The following CDC42BPA variants were observed in gnomAD, a reference collection of about 807,000 sequenced individuals.
The protein encoded by CDC42BPA is CDC42 binding protein kinase alpha.
A neutral mutation model predicts 223.5 loss-of-function variants in CDC42BPA; 80 were observed. The ratio of observed to expected loss-of-function variants is 0.36; its 90% CI spans 0.30 to 0.43. The LOEUF is 0.43. Ranked by LOEUF, CDC42BPA falls within the 20% of genes least tolerant of loss-of-function variation. The probability of loss-of-function intolerance (pLI) is 1.00; values close to 1 mark genes in which losing one functional copy is unlikely to be tolerated. For missense variants in CDC42BPA, 1,743 were observed against 2,099.9 expected (o/e 0.83, Z 3.32); for synonymous variants, 694 against 718.6 (o/e 0.97, Z 0.55).
intron 1 of CDC42BPA, among the ~76,000 whole-genome samples, chr1:227,310,881 C>T (rs139109933): frequency 0.15 from 22,628 of 151,004 alleles, 2,053 homozygotes; most frequent in African/African-American, 0.24. Context: ...TTAGTAGAGA[C>T]GCGGTTTCAC....
intron 21 of CDC42BPA, chr1:227,068,776 C>G: frequency 2.2e-6 from 1 of 449,218 alleles, no homozygotes; most frequent in Non-Finnish European, 3.4e-6. Flanking sequence ...AAATCAAAAA[C>G]TTTGTAAAAC....
intron 1 of CDC42BPA, among the ~76,000 whole-genome samples, chr1:227,302,689 G>A (rs1329149450): frequency 1.3e-5 from 2 of 152,020 alleles, no homozygotes; most frequent in African/African-American, 2.4e-5. Context: ...TTCTTGTATT[G>A]ATGATTTTTT....
At position 227,047,949 on chromosome 1, in the gene CDC42BPA, C is replaced by G. The variant is rs199543596; in HGVS notation, c.3071G>C (p.Gly1024Ala). The change falls in exon 23 of 37, where the codon GGT becomes GCT. Residue 1024 changes from glycine (G) to alanine (A), a missense_variant. Gly to Ala is a moderately conservative substitution (Grantham distance 60, BLOSUM62 0). This residue lies in a region of CDC42BPA where 678 missense variants were observed against 777.5 expected (regional missense o/e 0.87). Coordinates refer to ENST00000366766, the MANE Select transcript of CDC42BPA (RefSeq NM_001394014.1). ...TPTLRKKGCPGSTGFPPKRKT... is the reference protein window; with the variant it reads ...TPTLRKKGCPASTGFPPKRKT... ...TACCTTAGGTGGAAAGCCAGTTGAACCAGGACATCCTTTTTTCCTTAAGGT... is the reference window on the plus strand; with the variant it reads ...TACCTTAGGTGGAAAGCCAGTTGAAGCAGGACATCCTTTTTTCCTTAAGGT... 6.2e-7 allele frequency: 1 copy of G among 1,610,280 alleles called. No individual in the cohort carries two copies. Among genetic ancestry groups the G allele is most frequent in the East Asian group, 2.2e-5 (1 of 44,752 alleles).
intron 2 of CDC42BPA, among the ~76,000 whole-genome samples, chr1:227,214,212 CAAA>C (rs34522031): frequency 2.2e-4 from 27 of 122,318 alleles, no homozygotes; most frequent in Non-Finnish European, 4.1e-4. Context: ...AATTCAAGTG[CAAA>C]AAAAAAAAAA....
chr1:227,212,556 T>A (rs1255011181), intron 3 of CDC42BPA, among the ~76,000 whole-genome samples: 1 of 152,084 alleles, frequency 6.6e-6, no homozygotes, highest in Non-Finnish European at 1.5e-5. Context: ...CAAATCTATG[T>A]GTGACAGCAG....
chr1:227,142,096 C>G (rs1331426462), intron 9 of CDC42BPA, among the ~76,000 whole-genome samples: 1 of 152,100 alleles, frequency 6.6e-6, no homozygotes, highest in African/African-American at 2.4e-5. Context: ...TAAAGTAGAC[C>G]AGTAAGAATA....
intron 21 of CDC42BPA, among the ~76,000 whole-genome samples, chr1:227,061,339 C>T (rs1675892672): frequency 6.6e-6 from 1 of 152,104 alleles, no homozygotes; most frequent in Admixed American, 6.5e-5. Flanking sequence ...AGAGTATATG[C>T]AGATCGTTTT....
chr1:227,056,538 C>T (rs1674595964), intron 21 of CDC42BPA, among the ~76,000 whole-genome samples: 1 of 152,116 alleles, frequency 6.6e-6, no homozygotes, highest in Non-Finnish European at 1.5e-5. Context: ...CAGGCATGTG[C>T]CACTATGCCT....
At chr1:227,107,211 T>A (rs1686087168) in intron 14 of CDC42BPA, among the ~76,000 whole-genome samples, 1 of 152,202 alleles carries the variant, frequency 6.6e-6, no homozygotes, top group African/African-American at 2.4e-5. Flanking sequence ...TTATTTAGAT[T>A]TTCTTTAATT....
At chr1:227,271,210 G>A (rs1685904250) in intron 1 of CDC42BPA, among the ~76,000 whole-genome samples, 1 of 152,046 alleles carries the variant, frequency 6.6e-6, no homozygotes, top group Non-Finnish European at 1.5e-5. Flanking sequence ...TACAACTTGT[G>A]TATTTTCTTT....
chr1:227,283,198 G>A (rs1340907661), intron 1 of CDC42BPA, among the ~76,000 whole-genome samples: 2 of 152,016 alleles, frequency 1.3e-5, no homozygotes, highest in African/African-American at 4.8e-5. Flanking sequence ...TATGTTCCTG[G>A]AAAAGTACAT....
At position 227,263,158 on chromosome 1, in the gene CDC42BPA, G is replaced by A. The variant is rs184896773; in HGVS notation, c.179-9003C>T. Among the ~76,000 whole-genome samples, 693 of 152,314 alleles carry A rather than the reference G, an allele frequency of 4.5e-3. 4 individuals carry two copies. Among genetic ancestry groups the A allele is most frequent in the African/African-American group, 0.016 (664 of 41,564 alleles). On this transcript the variant is annotated intron_variant, in intron 1 of 36. Coordinates refer to ENST00000366766, the MANE Select transcript of CDC42BPA (RefSeq NM_001394014.1). ...TGAGGCAAGAGAATCACTGGAACCC[G>A]GGAGCTGAGGCTGCAGAAAGCCAAG...
chr1:227,182,655 T>C (rs1572190615), intron 5 of CDC42BPA, among the ~76,000 whole-genome samples: 1 of 152,142 alleles, frequency 6.6e-6, no homozygotes, highest in Non-Finnish European at 1.5e-5. Context: ...CCTCTGATAA[T>C]TAATATTAGG....
At position 227,142,929 on chromosome 1, in the gene CDC42BPA, A is replaced by G; in HGVS notation, c.1223+16T>C. On this transcript the variant is annotated intron_variant, in intron 9 of 36. Coordinates refer to ENST00000366766, the MANE Select transcript of CDC42BPA (RefSeq NM_001394014.1). Reference sequence around the variant, plus strand: ...CACTGCACTTGGCCCAAACTATGTTAACTTTTCAAACTTACCAGCTACTAG... The same window carrying G: ...CACTGCACTTGGCCCAAACTATGTTGACTTTTCAAACTTACCAGCTACTAG... 1 of 1,539,208 alleles carries G rather than the reference A, an allele frequency of 6.5e-7. No individual in the cohort carries two copies. The highest frequency in any genetic ancestry group is 8.7e-7 in the Non-Finnish European group (1 of 1,146,692).
chr1:227,237,692 G>A (rs1464819587), intron 2 of CDC42BPA, among the ~76,000 whole-genome samples: 1 of 152,136 alleles, frequency 6.6e-6, no homozygotes, highest in African/African-American at 2.4e-5. Flanking sequence ...GTTTTAACTT[G>A]TTCCACAAAT....
intron 27 of CDC42BPA, among the ~76,000 whole-genome samples, chr1:227,032,436 G>T (rs1023597638): frequency 6.6e-6 from 1 of 152,140 alleles, no homozygotes; most frequent in African/African-American, 2.4e-5. Flanking sequence ...CAATTGGGCA[G>T]TAGTTTTTTT....
At chr1:227,109,893 C>G (rs1345762929) in intron 14 of CDC42BPA, among the ~76,000 whole-genome samples, 1 of 151,646 alleles carries the variant, frequency 6.6e-6, no homozygotes, top group East Asian at 1.9e-4. Flanking sequence ...CTGATCAAAA[C>G]GTCACGATCT....
intron 14 of CDC42BPA, among the ~76,000 whole-genome samples, chr1:227,102,503 TAAAGA>T (rs1685218510): frequency 6.6e-6 from 1 of 152,086 alleles, no homozygotes; most frequent in East Asian, 1.9e-4. Flanking sequence ...TCTAACTACT[TAAAGA>T]AAAGAACACT....
intron 32 of CDC42BPA, among the ~76,000 whole-genome samples, chr1:227,020,222 G>A (rs1216973087): frequency 6.6e-6 from 1 of 152,160 alleles, no homozygotes; most frequent in East Asian, 1.9e-4. Context: ...TAAGGGCCTA[G>A]GATTTTTTCA....
Sources: gnomAD v4.1 joint callset for allele counts (sites outside exome capture counted in the v4.1 genomes callset) on GRCh38, gnomAD v4.1.1 for gene constraint, gnomAD v4.1.1 regional missense constraint, MANE v1.5 for transcripts, NCBI Gene and HGNC (gene_info 2026-07-23, HGNC 2026-07-21) for gene names.